The following GNA12 variants were observed in gnomAD, a reference collection of about 807,000 sequenced individuals.
GNA12 encodes the protein G protein subunit alpha 12.
GNA12 carries 9 observed loss-of-function variants against 26.0 expected under a neutral mutation model. That is an observed-to-expected ratio of 0.35 (90% confidence interval 0.21 to 0.60). The LOEUF (loss-of-function observed/expected upper bound fraction) is 0.60. Among genes scored for constraint, GNA12 ranks in the 20% least tolerant of loss-of-function variants. The pLI is 0.78. For synonymous variants in GNA12, 264 were observed against 219.6 expected, an observed-to-expected ratio of 1.20 and a Z score of -1.79; for missense variants, 405 against 525.8, an observed-to-expected ratio of 0.77 and a Z score of 2.25.
intron 2 of GNA12, among the ~76,000 whole-genome samples, chr7:2,766,724 A>C (rs1055529930): frequency 1.7e-4 from 26 of 152,142 alleles, no homozygotes; most frequent in African/African-American, 5.8e-4. Flanking sequence ...AAGTTGCTAT[A>C]AACATGGGTG....
chr7:2,748,535 T>C (rs1406856838), intron 2 of GNA12, among the ~76,000 whole-genome samples: 3 of 152,062 alleles, frequency 2.0e-5, no homozygotes, highest in African/African-American at 7.2e-5. Context: ...ACTTAAATGT[T>C]AGACCTAAAA....
At chr7:2,814,850 C>G (rs1474158679) in intron 1 of GNA12, 1 of 1,595,878 alleles carries the variant, frequency 6.3e-7, no homozygotes, top group Non-Finnish European at 8.5e-7. Flanking sequence ...CGGGTGTGCA[C>G]TGCTCCCCTC....
chr7:2,786,334 AGGGAGTT>A (rs1792360428), intron 2 of GNA12, among the ~76,000 whole-genome samples: 1 of 152,222 alleles, frequency 6.6e-6, no homozygotes, highest in South Asian at 2.1e-4. Flanking sequence ...AAAAAAGAAA[AGGGAGTT>A]GGAAAAAACG....
At chr7:2,824,530 A>G (rs979974693) in intron 1 of GNA12, among the ~76,000 whole-genome samples, 2 of 152,148 alleles carry the variant, frequency 1.3e-5, no homozygotes, top group East Asian at 1.9e-4. Context: ...CTAACATTTC[A>G]TAAGACGTGC....
chr7:2,748,997 A>G (rs1006539970), intron 2 of GNA12, among the ~76,000 whole-genome samples: 3 of 152,356 alleles, frequency 2.0e-5, no homozygotes, highest in African/African-American at 7.2e-5. Flanking sequence ...TGATCATTAA[A>G]AAGTCAGGAA....
Position 2,747,251 on chromosome 7 carries a change from C to T in GNA12, c.526-13750G>A, listed in dbSNP as rs139074224. Among the ~76,000 whole-genome samples, 1,454 of 152,268 alleles carry T rather than the reference C, an allele frequency of 9.5e-3. 11 individuals carry two copies. The highest frequency in any genetic ancestry group is 0.075 in the Middle Eastern group (22 of 294). On this transcript the variant is annotated intron_variant, in intron 2 of 3. Transcript: ENST00000275364. The stretch of plus-strand genomic sequence containing the variant: ...ATTTTAGACCAATATCCTTGATGAA[C>T]ATTGATGCAAAAATCCTCAATAAAA...
At position 2,780,046 on chromosome 7, in the gene GNA12, GTGTACA is replaced by G. The variant is rs1295772872; in HGVS notation, c.525+14876_525+14881del. ...ACGTACTAGTTTTTTACACATTTCTGTGTACATATATATATATATATATATATATAT... is the reference window on the plus strand; with the variant it reads ...ACGTACTAGTTTTTTACACATTTCTGTATATATATATATATATATATATAT... On this transcript the variant is annotated intron_variant, in intron 2 of 3. Transcript: ENST00000275364. Among the ~76,000 whole-genome samples, 82 of 85,834 alleles carry G rather than the reference GTGTACA, an allele frequency of 9.6e-4. 5 individuals carry two copies. The highest frequency in any genetic ancestry group is 2.7e-3 in the African/African-American group (59 of 22,212). The allele number at this position is 85,834 out of a possible 152,430, so 56.3% of individuals were successfully genotyped here. A position where few individuals can be genotyped will look rare whatever the true frequency, so the allele number is the denominator to read the frequency against.
intron 2 of GNA12, among the ~76,000 whole-genome samples, chr7:2,735,259 T>G (rs1012951138): frequency 9.2e-5 from 14 of 151,960 alleles, no homozygotes; most frequent in African/African-American, 3.4e-4. Flanking sequence ...GGCCACGGGC[T>G]CCCCCAGGGA....
At chr7:2,806,457 C>CAAAAAAAAAAAAAAAAAAAAAAAAAA (rs34036056) in intron 1 of GNA12, among the ~76,000 whole-genome samples, 1 of 80,714 alleles carries the variant, frequency 1.2e-5, no homozygotes, top group African/African-American at 5.0e-5. Context: ...GACTCTGTCT[C>CAAAAAAAAAAAAAAAAAAAAAAAAAA]AAAAAAAAAA....
At chr7:2,781,779 G>T (rs184755912) in intron 2 of GNA12, among the ~76,000 whole-genome samples, 1 of 152,086 alleles carries the variant, frequency 6.6e-6, no homozygotes, top group African/African-American at 2.4e-5. Context: ...CTGTGATAGA[G>T]CAAGTCCATG....
intron 2 of GNA12, among the ~76,000 whole-genome samples, chr7:2,746,945 T>A (rs1322905625): frequency 6.6e-6 from 1 of 152,092 alleles, no homozygotes; most frequent in Non-Finnish European, 1.5e-5. Context: ...CCTCGACACA[T>A]ACATCCTCCC....
chr7:2,754,267 C>T (rs995006770), intron 2 of GNA12, among the ~76,000 whole-genome samples: 3 of 152,146 alleles, frequency 2.0e-5, no homozygotes, highest in Admixed American at 6.5e-5. Flanking sequence ...TGCTTATGTG[C>T]CATCGGCATG....
chr7:2,762,769 C>T (rs1467475262), intron 2 of GNA12: 2 of 1,547,816 alleles, frequency 1.3e-6, no homozygotes, highest in Non-Finnish European at 1.7e-6. Context: ...CCGTCCTTTC[C>T]ACCCAGGCTG....
At chr7:2,782,701 CT>C in intron 2 of GNA12, among the ~76,000 whole-genome samples, 1 of 151,196 alleles carries the variant, frequency 6.6e-6, no homozygotes, top group East Asian at 1.9e-4. Context: ...GGTTTCTTGA[CT>C]GTTTGATATG....
At chr7:2,740,916 G>C (rs959797286) in intron 2 of GNA12, among the ~76,000 whole-genome samples, 1 of 152,138 alleles carries the variant, frequency 6.6e-6, no homozygotes, top group Non-Finnish European at 1.5e-5. Context: ...GTGGTGGCAG[G>C]TGCCTGTAGT....
chr7:2,787,058 G>A (rs532295542), intron 2 of GNA12, among the ~76,000 whole-genome samples: 1 of 152,172 alleles, frequency 6.6e-6, no homozygotes, highest in Admixed American at 6.5e-5. Context: ...TACTCACAAA[G>A]ACAAGCGGTG....
intron 2 of GNA12, among the ~76,000 whole-genome samples, chr7:2,791,511 T>A (rs911691530): frequency 2.6e-4 from 40 of 152,224 alleles, no homozygotes; most frequent in African/African-American, 9.2e-4. Flanking sequence ...TATCTCTGAC[T>A]GGAATGGCAG....
intron 2 of GNA12, among the ~76,000 whole-genome samples, chr7:2,744,681 C>T (rs969309735): frequency 1.3e-5 from 2 of 152,092 alleles, no homozygotes; most frequent in Non-Finnish European, 2.9e-5. Flanking sequence ...ATGACTTTGA[C>T]GAGTTGAGAA....
At chr7:2,827,624 G>A (rs535391400) in intron 1 of GNA12, among the ~76,000 whole-genome samples, 48 of 152,208 alleles carry the variant, frequency 3.2e-4, no homozygotes, top group South Asian at 8.3e-4. Flanking sequence ...GCAGTGCAGA[G>A]GACAGAACAG....
Sources: allele counts gnomAD v4.1 joint callset (sites outside exome capture counted in the v4.1 genomes callset), GRCh38; gene constraint gnomAD v4.1.1; transcripts MANE v1.5; gene names NCBI Gene and HGNC (gene_info 2026-07-23, HGNC 2026-07-21).